The following TMEM135 variants were observed in gnomAD, a reference collection of about 807,000 sequenced individuals.
The protein encoded by TMEM135 is peroxisomal membrane protein 52.
TMEM135 carries 30 observed loss-of-function variants against 60.3 expected under a neutral mutation model. The ratio of observed to expected loss-of-function variants is 0.50; its 90% CI spans 0.37 to 0.68. TMEM135 has a LOEUF of 0.68. Ranked by LOEUF, TMEM135 falls within the 30% of genes least tolerant of loss-of-function variation. The pLI, the probability that TMEM135 is intolerant of heterozygous loss-of-function variation, is 0.00. For missense variants in TMEM135, 468 were observed against 548.8 expected, an observed-to-expected ratio of 0.85 and a Z score of 1.47; for synonymous variants, 190 against 186.7, an observed-to-expected ratio of 1.02 and a Z score of -0.14.
At chr11:87,201,887 C>T (rs528649892) in intron 5 of TMEM135, among the ~76,000 whole-genome samples, 2 of 151,618 alleles carry the variant, frequency 1.3e-5, no homozygotes, top group African/African-American at 4.8e-5. Flanking sequence ...TGAAATCTGT[C>T]TTATGATAAA....
intron 6 of TMEM135, among the ~76,000 whole-genome samples, chr11:87,294,048 G>C (rs775822495): frequency 6.6e-6 from 1 of 151,922 alleles, no homozygotes; most frequent in Non-Finnish European, 1.5e-5. Context: ...TTTAATAATC[G>C]CCATTCTTAC....
At chr11:87,157,253 A>C in intron 4 of TMEM135, 88 bp from the exon 5 acceptor site, 1 of 1,212,246 alleles carries the variant, frequency 8.2e-7, no homozygotes, top group South Asian at 1.2e-5. Flanking sequence ...ATAGTATTGA[A>C]TGTTTTTCAC....
At chr11:87,193,470 C>G (rs1939865365) in intron 5 of TMEM135, among the ~76,000 whole-genome samples, 1 of 151,906 alleles carries the variant, frequency 6.6e-6, no homozygotes, top group African/African-American at 2.4e-5. Context: ...TTATTTTTCC[C>G]AAGAGCTAAA....
chr11:87,135,639 G>A (rs61904216), intron 4 of TMEM135, among the ~76,000 whole-genome samples: 1,710 of 152,034 alleles, frequency 0.011, 15 homozygotes, highest in Non-Finnish European at 0.019. Flanking sequence ...CTTGATAACT[G>A]TAGGTATATG....
chr11:87,139,423 G>C (rs1938201946), intron 4 of TMEM135, among the ~76,000 whole-genome samples: 1 of 152,010 alleles, frequency 6.6e-6, no homozygotes, highest in Admixed American at 6.6e-5. Flanking sequence ...TCCTTAAAAA[G>C]CCCCTCTTTC....
At chr11:87,319,168 C>T in intron 13 of TMEM135, 142 bp from the exon 14 acceptor site, 1 of 749,230 alleles carries the variant, frequency 1.3e-6, no homozygotes, top group Non-Finnish European at 2.3e-6. Flanking sequence ...CGTGCCCAGC[C>T]AAAAGCAACA....
At chr11:87,054,888 C>T (rs1196126727) in intron 1 of TMEM135, among the ~76,000 whole-genome samples, 1 of 152,084 alleles carries the variant, frequency 6.6e-6, no homozygotes, top group East Asian at 1.9e-4. Context: ...CCCCTGGCTG[C>T]ATTTGGAGTG....
At chr11:87,133,019 G>C (rs1937981692) in intron 4 of TMEM135, among the ~76,000 whole-genome samples, 1 of 152,170 alleles carries the variant, frequency 6.6e-6, no homozygotes, top group Non-Finnish European at 1.5e-5. Context: ...AGTCGATGTG[G>C]TAACTGAAAG....
At chr11:87,158,820 C>T (rs1938781298) in intron 5 of TMEM135, among the ~76,000 whole-genome samples, 1 of 151,794 alleles carries the variant, frequency 6.6e-6, no homozygotes, top group South Asian at 2.1e-4. Flanking sequence ...CTTAATTGAT[C>T]CCTTTGTATT....
chr11:87,306,981 A>G (rs1336447305), intron 9 of TMEM135, among the ~76,000 whole-genome samples: 2 of 152,050 alleles, frequency 1.3e-5, no homozygotes, highest in African/African-American at 4.8e-5. Flanking sequence ...TTGACCTCCC[A>G]ACACTAGGAT....
rs749758302 is a variant in TMEM135 at position 87,324,861 on chromosome 11, A to C, written c.*3528A>C. The C allele has an allele frequency of 6.6e-6, 3 of 453,950 alleles. No homozygotes were observed. The highest frequency in any genetic ancestry group is 4.7e-5 in the South Asian group (3 of 64,442). 28.1% of individuals were successfully genotyped at this position (453,950 alleles called of 1,614,324 possible). A position where few individuals can be genotyped will look rare whatever the true frequency, so the allele number is the denominator to read the frequency against. Reference sequence around the variant, plus strand: ...ATTCTCTCTCCTAACACCTCCTTCTAGTAATCATTTTCACATAGTAGAATA... The same window carrying C: ...ATTCTCTCTCCTAACACCTCCTTCTCGTAATCATTTTCACATAGTAGAATA... On this transcript the variant is annotated 3_prime_UTR_variant, in exon 15 of 15. Transcript: ENST00000305494.
chr11:87,168,465 G>A (rs758520433), intron 5 of TMEM135, among the ~76,000 whole-genome samples: 1 of 151,948 alleles, frequency 6.6e-6, no homozygotes, highest in Non-Finnish European at 1.5e-5. Flanking sequence ...TCCCTCTAAA[G>A]ACTCCTTTAG....
intron 4 of TMEM135, among the ~76,000 whole-genome samples, chr11:87,136,383 A>G (rs906355352): frequency 6.6e-6 from 1 of 151,972 alleles, no homozygotes; most frequent in Non-Finnish European, 1.5e-5. Context: ...CTTCTTATAT[A>G]TTGTTGGATT....
intron 5 of TMEM135, among the ~76,000 whole-genome samples, chr11:87,217,810 G>T (rs1940535367): frequency 6.6e-6 from 1 of 151,892 alleles, no homozygotes; most frequent in African/African-American, 2.4e-5. Context: ...AGGTTGGGGT[G>T]GTGGGTTTGG....
chr11:87,203,869 T>C (rs754715435), intron 5 of TMEM135, among the ~76,000 whole-genome samples: 2 of 152,206 alleles, frequency 1.3e-5, no homozygotes, highest in African/African-American at 2.4e-5. Context: ...TAACAGTATT[T>C]GGTGCTGCCA....
chr11:87,125,639 T>G (rs1937705315), intron 4 of TMEM135, among the ~76,000 whole-genome samples: 1 of 152,144 alleles, frequency 6.6e-6, no homozygotes, highest in Admixed American at 6.6e-5. Flanking sequence ...GGTAAAGAGT[T>G]CGGACTTTAA....
At chr11:87,077,619 C>T (rs1398909231) in intron 3 of TMEM135, among the ~76,000 whole-genome samples, 2 of 152,194 alleles carry the variant, frequency 1.3e-5, no homozygotes, top group African/African-American at 2.4e-5. Context: ...ATATTCCATA[C>T]AGTTCACCCT....
chr11:87,174,845 C>T (rs944327429), intron 5 of TMEM135, among the ~76,000 whole-genome samples: 3 of 152,060 alleles, frequency 2.0e-5, no homozygotes, highest in Non-Finnish European at 4.4e-5. Context: ...TAGCAGTTGT[C>T]AAGAACCTAT....
At chr11:87,210,974 T>G (rs1940356151) in intron 5 of TMEM135, among the ~76,000 whole-genome samples, 1 of 152,136 alleles carries the variant, frequency 6.6e-6, no homozygotes, top group Admixed American at 6.5e-5. Context: ...CTCAACAAAT[T>G]AGGCATTGAA....
Sources: allele counts gnomAD v4.1 joint callset (sites outside exome capture counted in the v4.1 genomes callset), GRCh38; gene constraint gnomAD v4.1.1; transcripts MANE v1.5; gene names NCBI Gene and HGNC (gene_info 2026-07-23, HGNC 2026-07-21).